ERC2: variants seen among roughly 807,000 people sequenced by gnomAD.
ERC2 encodes ERC protein 2.
A neutral mutation model predicts 114.8 loss-of-function variants in ERC2; 42 were observed. The ratio of observed to expected loss-of-function variants is 0.37; its 90% confidence interval spans 0.29 to 0.47. ERC2 has a LOEUF of 0.47. ERC2 is among the 20% of genes least tolerant of loss of function. The pLI, the probability that ERC2 is intolerant of heterozygous loss-of-function variation, is 0.99. For synonymous variants in ERC2, 454 were observed against 425.5 expected, an observed-to-expected ratio of 1.07 and a Z score of -0.82; for missense variants, 939 against 1,150.7, an observed-to-expected ratio of 0.82 and a Z score of 2.66.
chr3:55,978,323 T>C (rs2069764255), intron 12 of ERC2, among the ~76,000 whole-genome samples: 1 of 152,182 alleles, frequency 6.6e-6, no homozygotes, highest in Non-Finnish European at 1.5e-5. Flanking sequence ...AAGATTACTT[T>C]TCAATAAGCA....
chr3:56,399,747 T>G (rs949621287), intron 2 of ERC2, among the ~76,000 whole-genome samples: 2 of 150,808 alleles, frequency 1.3e-5, no homozygotes, highest in African/African-American at 4.8e-5. Flanking sequence ...TTCCAAAATT[T>G]AGCACAAACC....
chr3:56,111,805 T>G (rs1349568132), intron 6 of ERC2, among the ~76,000 whole-genome samples: 5 of 152,360 alleles, frequency 3.3e-5, no homozygotes, highest in Non-Finnish European at 4.4e-5. Flanking sequence ...GACTGTTTTT[T>G]AATGTTTAGC....
At chr3:56,249,914 G>A (rs868846006) in intron 3 of ERC2, among the ~76,000 whole-genome samples, 1 of 130,800 alleles carries the variant, frequency 7.6e-6, no homozygotes, top group Admixed American at 9.3e-5. Flanking sequence ...CTGGAGTGCA[G>A]TGGCACAATA....
At chr3:56,292,509 G>C (rs1466537340) in intron 3 of ERC2, among the ~76,000 whole-genome samples, 1 of 151,910 alleles carries the variant, frequency 6.6e-6, no homozygotes, top group Non-Finnish European at 1.5e-5. Flanking sequence ...AGGATCACTT[G>C]AACCTGGGAG....
At chr3:55,907,001 C>T (rs1384184605) in intron 13 of ERC2, among the ~76,000 whole-genome samples, 1 of 152,184 alleles carries the variant, frequency 6.6e-6, no homozygotes, top group Non-Finnish European at 1.5e-5. Flanking sequence ...TCCCAGTCTT[C>T]ATCTTGAGGG....
chr3:55,809,223 C>T (rs2059622080), intron 14 of ERC2, among the ~76,000 whole-genome samples: 1 of 152,108 alleles, frequency 6.6e-6, no homozygotes, highest in South Asian at 2.1e-4. Flanking sequence ...TTTTGGAATA[C>T]ATGTGGTGTT....
intron 17 of ERC2, among the ~76,000 whole-genome samples, chr3:55,560,907 G>C (rs1200426344): frequency 6.6e-6 from 1 of 152,198 alleles, no homozygotes; most frequent in Non-Finnish European, 1.5e-5. Context: ...TGTCTTGGCA[G>C]ATTATTGGCC....
At chr3:55,708,579 A>C (rs2063604013) in intron 15 of ERC2, among the ~76,000 whole-genome samples, 1 of 152,194 alleles carries the variant, frequency 6.6e-6, no homozygotes, top group South Asian at 2.1e-4. Context: ...GTGGAGTCTA[A>C]ACTGTTTCAA....
chr3:55,674,917 A>C (rs935936341), intron 17 of ERC2, among the ~76,000 whole-genome samples: 9 of 152,210 alleles, frequency 5.9e-5, no homozygotes, highest in African/African-American at 2.2e-4. Flanking sequence ...GTGAGGTTGC[A>C]AACGCTGACT....
intron 3 of ERC2, among the ~76,000 whole-genome samples, chr3:56,290,820 C>T (rs2055034754): frequency 6.6e-6 from 1 of 152,156 alleles, no homozygotes; most frequent in African/African-American, 2.4e-5. Context: ...TTCATGTTAC[C>T]TCTTTCTCCT....
chr3:55,523,021 G>GTT (rs1230132597), intron 17 of ERC2, among the ~76,000 whole-genome samples: 1 of 152,256 alleles, frequency 6.6e-6, no homozygotes, highest in Non-Finnish European at 1.5e-5. Flanking sequence ...GGCAGGCAGG[G>GTT]TTCAGGCTTA....
chr3:56,236,090 GT>G (rs1185050344), intron 3 of ERC2, among the ~76,000 whole-genome samples: 4 of 152,258 alleles, frequency 2.6e-5, no homozygotes, highest in African/African-American at 7.2e-5. Flanking sequence ...TGGGGAAAAA[GT>G]TATTCAGGCA....
intron 2 of ERC2, among the ~76,000 whole-genome samples, chr3:56,400,333 A>G (rs1453495339): frequency 6.6e-6 from 1 of 152,156 alleles, no homozygotes; most frequent in Non-Finnish European, 1.5e-5. Flanking sequence ...GGGGTCACAG[A>G]AATAGAAACA....
At chr3:55,760,245 A>T (rs1042455210) in intron 14 of ERC2, among the ~76,000 whole-genome samples, 2 of 152,216 alleles carry the variant, frequency 1.3e-5, no homozygotes, top group Non-Finnish European at 2.9e-5. Flanking sequence ...CACATTCTGA[A>T]GCCATTTTAT....
At chr3:55,701,164 C>T (rs928851303) in intron 15 of ERC2, among the ~76,000 whole-genome samples, 2 of 152,200 alleles carry the variant, frequency 1.3e-5, no homozygotes, top group African/African-American at 4.8e-5. Context: ...CTGGACCTAA[C>T]ATTGTGCATT....
intron 7 of ERC2, among the ~76,000 whole-genome samples, chr3:56,045,766 TG>T (rs2075423600): frequency 6.6e-6 from 1 of 152,126 alleles, no homozygotes; most frequent in African/African-American, 2.4e-5. Flanking sequence ...AACAAAGTGA[TG>T]GGTGGACAGA....
At chr3:56,193,093 G>T (rs962336258) in intron 3 of ERC2, among the ~76,000 whole-genome samples, 5 of 152,136 alleles carry the variant, frequency 3.3e-5, no homozygotes, top group African/African-American at 1.2e-4. Flanking sequence ...TATTAATGAT[G>T]TTGGGAAAGA....
chr3:55,542,211 A>G (rs955359227), intron 17 of ERC2, among the ~76,000 whole-genome samples: 5 of 152,214 alleles, frequency 3.3e-5, no homozygotes, highest in African/African-American at 9.6e-5. Flanking sequence ...CAGTACAGCT[A>G]TGGTGGAGGT....
At chr3:55,893,431 C>T (rs2149329777) in intron 13 of ERC2, among the ~76,000 whole-genome samples, 1 of 152,220 alleles carries the variant, frequency 6.6e-6, no homozygotes, top group Admixed American at 6.5e-5. Context: ...CTCCTTTTTC[C>T]TCACTTGACC....
Sources: gnomAD v4.1 joint callset for allele counts (sites outside exome capture counted in the v4.1 genomes callset) on GRCh38, gnomAD v4.1.1 for gene constraint, MANE v1.5 for transcripts, NCBI Gene and HGNC (gene_info 2026-07-23, HGNC 2026-07-21) for gene names.